The following ANO10 variants were observed in gnomAD, a reference collection of about 807,000 sequenced individuals.
The protein encoded by ANO10 is anoctamin 10, also known as anoctamin-10.
A neutral mutation model predicts 74.7 loss-of-function variants in ANO10; 77 were observed. The observed-to-expected ratio is 1.03, with a 90% CI of 0.86 to 1.25. ANO10 has a LOEUF of 1.25. Among genes scored for constraint, ANO10 ranks in the 50% most tolerant of loss-of-function variants. The pLI is 0.00. For synonymous variants in ANO10, 279 were observed against 284.9 expected, an observed-to-expected ratio of 0.98 and a Z score of 0.21; for missense variants, 721 against 778.1, an observed-to-expected ratio of 0.93 and a Z score of 0.87.
rs1025591959 is a variant in ANO10, at chr3:43,366,742, G to A, written c.*164C>T. On this transcript the variant is annotated 3_prime_UTR_variant, in exon 13 of 13. Coordinates refer to ENST00000292246, the MANE Select transcript of ANO10 (RefSeq NM_018075.5). Reference sequence around the variant, plus strand: ...CAAGGATCCCGAGCCAAGCCACTGCGAAACTGAGAAGGGTGCTTGCCACAT... The same window carrying A: ...CAAGGATCCCGAGCCAAGCCACTGCAAAACTGAGAAGGGTGCTTGCCACAT... The A allele has an allele frequency of 3.7e-4, 272 of 725,442 alleles. 2 individuals are homozygous for A. The East Asian group carries it at 7.1e-3, about 19-fold the overall frequency. 44.9% of individuals were successfully genotyped at this position (725,442 alleles called of 1,614,324 possible). A position where few individuals can be genotyped will look rare whatever the true frequency, so the allele number is the denominator to read the frequency against.
intron 12 of ANO10, among the ~76,000 whole-genome samples, chr3:43,398,220 G>A (rs950935644): frequency 6.6e-6 from 1 of 152,142 alleles, no homozygotes; most frequent in African/African-American, 2.4e-5. Context: ...TAACAACAAG[G>A]ACTCTTAAGA....
chr3:43,496,438 C>A lies in ANO10; in HGVS notation c.1797+53282G>T, dbSNP rs374168016. Among the ~76,000 whole-genome samples the A allele has an allele frequency of 7.9e-5, 12 of 152,042 alleles. No individual in the cohort carries two copies. The East Asian group carries it at 1.2e-3, about 15-fold the overall frequency. The stretch of plus-strand genomic sequence containing the variant: ...ACCAAAACCTAATTTAAGAACAATT[C>A]TATTCTTTTTTTTGAGGCGGGTTCT... On this transcript the variant is annotated intron_variant, in intron 11 of 12. Coordinates refer to ENST00000292246, the MANE Select transcript of ANO10 (RefSeq NM_018075.5).
chr3:43,526,836 T>C (rs2078217545), intron 11 of ANO10, among the ~76,000 whole-genome samples: 1 of 146,726 alleles, frequency 6.8e-6, no homozygotes. Context: ...CCTACTTTAA[T>C]CAGTAACAGC....
intron 1 of ANO10, among the ~76,000 whole-genome samples, chr3:43,645,751 T>C (rs1213674985): frequency 2.0e-5 from 3 of 152,194 alleles, no homozygotes; most frequent in Admixed American, 6.5e-5. Flanking sequence ...TTTACTCTGA[T>C]AGCTCTGCAC....
intron 12 of ANO10, among the ~76,000 whole-genome samples, chr3:43,386,925 G>A (rs1266780839): frequency 1.3e-5 from 2 of 152,152 alleles, no homozygotes; most frequent in African/African-American, 2.4e-5. Flanking sequence ...GGCCAATCTC[G>A]AAATGGGAAA....
At chr3:43,628,737 A>G (rs2083516460) in intron 1 of ANO10, among the ~76,000 whole-genome samples, 1 of 152,140 alleles carries the variant, frequency 6.6e-6, no homozygotes, top group South Asian at 2.1e-4. Flanking sequence ...GCCGTCTTCT[A>G]TGGTCAAGGC....
chr3:43,432,877 C>T, intron 11 of ANO10, 150 bp from the exon 12 acceptor site: 1 of 636,344 alleles, frequency 1.6e-6, no homozygotes, highest in African/African-American at 1.8e-5. Flanking sequence ...CCAAGCAGGC[C>T]CATGAGTTGT....
chr3:43,412,321 G>C (rs1456991638), intron 12 of ANO10, among the ~76,000 whole-genome samples: 1 of 152,136 alleles, frequency 6.6e-6, no homozygotes, highest in Non-Finnish European at 1.5e-5. Flanking sequence ...GTTGATATCA[G>C]AGGCAGATCA....
At chr3:43,382,559 T>G (rs2091997804) in intron 12 of ANO10, among the ~76,000 whole-genome samples, 1 of 149,792 alleles carries the variant, frequency 6.7e-6, no homozygotes, top group African/African-American at 2.4e-5. Context: ...AGAGCAGAAC[T>G]AAATGAAACA....
At chr3:43,405,392 C>A (rs945327188) in intron 12 of ANO10, among the ~76,000 whole-genome samples, 1 of 152,248 alleles carries the variant, frequency 6.6e-6, no homozygotes, top group Admixed American at 6.5e-5. Flanking sequence ...AGAAGTCCCA[C>A]TGACCATCCA....
At chr3:43,387,762 G>A (rs1024409559) in intron 12 of ANO10, among the ~76,000 whole-genome samples, 6 of 152,140 alleles carry the variant, frequency 3.9e-5, no homozygotes, top group Non-Finnish European at 7.3e-5. Context: ...CCTCTGCTGA[G>A]GGAGTTCACA....
At chr3:43,388,173 T>C (rs2092177908) in intron 12 of ANO10, among the ~76,000 whole-genome samples, 1 of 152,160 alleles carries the variant, frequency 6.6e-6, no homozygotes. Context: ...CATTTGTGAC[T>C]AACAACCCCT....
rs557913172 is a variant in ANO10 at position 43,661,012 on chromosome 3, T to A, written c.-12+30505A>T. On this transcript the variant is annotated intron_variant, in intron 1 of 3. Coordinates refer to the ANO10 transcript ENST00000413397. ...ATTATCCAGGAGAACTTCCCCAACC[T>A]AGCAAGGCAGGCCAATGTTCAAATT... Among the ~76,000 whole-genome samples, 7 of 152,194 alleles carry A rather than the reference T, an allele frequency of 4.6e-5. No individual in the cohort carries two copies. The East Asian group carries it at 1.2e-3, about 25-fold the overall frequency.
intron 12 of ANO10, among the ~76,000 whole-genome samples, chr3:43,382,101 G>A (rs9817430): frequency 0.56 from 84,943 of 152,124 alleles, 27,138 homozygotes; most frequent in East Asian, 0.77. Context: ...TAAGAAGAAC[G>A]TTCATGGCAT....
At chr3:43,486,871 T>A (rs1425009211) in intron 11 of ANO10, among the ~76,000 whole-genome samples, 1 of 146,866 alleles carries the variant, frequency 6.8e-6, no homozygotes, top group African/African-American at 2.5e-5. Context: ...AGGGCATCCC[T>A]GTCTTGTGCC....
At chr3:43,590,060 T>C (rs555448027) in intron 4 of ANO10, among the ~76,000 whole-genome samples, 1 of 152,284 alleles carries the variant, frequency 6.6e-6, no homozygotes, top group African/African-American at 2.4e-5. Flanking sequence ...TATTTGAATT[T>C]TCATCATATA....
chr3:43,662,672 A>C (rs1163363843), intron 1 of ANO10, among the ~76,000 whole-genome samples: 1 of 152,210 alleles, frequency 6.6e-6, no homozygotes, highest in Non-Finnish European at 1.5e-5. Context: ...AAAAGAGAGA[A>C]GAATCAAATA....
chr3:43,443,316 A>T (rs1363192782), intron 11 of ANO10, among the ~76,000 whole-genome samples: 1 of 152,162 alleles, frequency 6.6e-6, no homozygotes, highest in Non-Finnish European at 1.5e-5. Context: ...CAAAAAGCAG[A>T]TTAACAGGAG....
chr3:43,601,339 G>C (rs2149484129), intron 2 of ANO10, among the ~76,000 whole-genome samples: 1 of 152,202 alleles, frequency 6.6e-6, no homozygotes, highest in African/African-American at 2.4e-5. Flanking sequence ...TCGAGTAGCT[G>C]GGACTACAGG....
Sources: allele counts gnomAD v4.1 joint callset (sites outside exome capture counted in the v4.1 genomes callset), GRCh38; gene constraint gnomAD v4.1.1; transcripts MANE v1.5; gene names NCBI Gene and HGNC (gene_info 2026-07-23, HGNC 2026-07-21).